The following CSGALNACT1 variants were observed in gnomAD, a reference collection of about 807,000 sequenced individuals.
The protein encoded by CSGALNACT1 is beta4GalNAcT-1.
CSGALNACT1 carries 52 observed loss-of-function variants against 51.0 expected under a neutral mutation model. The ratio of observed to expected loss-of-function variants is 1.02; its 90% CI spans 0.82 to 1.29. The LOEUF (loss-of-function observed/expected upper bound fraction) is 1.29, where lower values mean the gene tolerates loss of function less well. CSGALNACT1 is among the 50% of genes most tolerant of loss of function. The pLI, the probability that CSGALNACT1 is intolerant of heterozygous loss-of-function variation, is 0.00. For missense variants in CSGALNACT1, 935 were observed against 679.2 expected (o/e 1.38, Z -4.19); for synonymous variants, 341 against 254.4 (o/e 1.34, Z -3.24).
At chr8:19,573,762 G>A (rs1476124105) in intron 3 of CSGALNACT1, among the ~76,000 whole-genome samples, 1 of 152,054 alleles carries the variant, frequency 6.6e-6, no homozygotes, top group East Asian at 1.9e-4. Flanking sequence ...TCTCCTTCCA[G>A]TGATAGGCTA....
chr8:19,642,811 G>A (rs575896695), intron 1 of CSGALNACT1, among the ~76,000 whole-genome samples: 34 of 151,190 alleles, frequency 2.2e-4, no homozygotes, highest in Non-Finnish European at 4.3e-4. Context: ...AAATGGCTGT[G>A]GTGGGGACAC....
At chr8:19,669,191 T>C (rs183343024) in intron 1 of CSGALNACT1, among the ~76,000 whole-genome samples, 15 of 152,302 alleles carry the variant, frequency 9.8e-5, no homozygotes, top group African/African-American at 1.7e-4. Flanking sequence ...ATTTCCCCAA[T>C]AGGAATTTGA....
chr8:19,667,258 CA>C (rs928798627), intron 1 of CSGALNACT1, among the ~76,000 whole-genome samples: 7,948 of 101,528 alleles, frequency 0.078, 369 homozygotes, highest in African/African-American at 0.17. Flanking sequence ...CCATCTCTAC[CA>C]AAAAAAAAAA....
At chr8:19,692,850 A>T (rs111510140) in intron 1 of CSGALNACT1, among the ~76,000 whole-genome samples, 1 of 152,194 alleles carries the variant, frequency 6.6e-6, no homozygotes, top group East Asian at 1.9e-4. Flanking sequence ...AGCTTCCAAC[A>T]GGCTGGAGAA....
intron 5 of CSGALNACT1, among the ~76,000 whole-genome samples, chr8:19,442,890 T>A (rs7823195): frequency 0.012 from 1,850 of 152,220 alleles, 30 homozygotes; most frequent in African/African-American, 0.042. Context: ...CTAGAGTGCC[T>A]TGGAAGCACC....
At chr8:19,559,084 A>C (rs1297928929) in intron 3 of CSGALNACT1, among the ~76,000 whole-genome samples, 1 of 152,218 alleles carries the variant, frequency 6.6e-6, no homozygotes, top group African/African-American at 2.4e-5. Flanking sequence ...AGGGAACTTC[A>C]GAATGAAATT....
At chr8:19,513,409 TCTCTCA>T (rs747769698) in intron 3 of CSGALNACT1, among the ~76,000 whole-genome samples, 12 of 60,178 alleles carry the variant, frequency 2.0e-4, no homozygotes, top group Admixed American at 2.3e-4. Context: ...GAATTTTCTC[TCTCTCA>T]CTCTCTCTCT....
In CSGALNACT1 at chr8:19,666,793, AAGAAAGAAAGAAAGAAAGAGAGAG is replaced by A. The variant is rs1178331965; in HGVS notation, c.-544+15656_-544+15679del. Among the ~76,000 whole-genome samples, 150 of 35,752 alleles carry A rather than the reference AAGAAAGAAAGAAAGAAAGAGAGAG, an allele frequency of 4.2e-3. 4 individuals are homozygous for A. The highest frequency in any genetic ancestry group is 5.4e-3 in the African/African-American group (30 of 5,508). The allele number at this position is 35,752 out of a possible 152,430, so 23.5% of individuals were successfully genotyped here. A position where few individuals can be genotyped will look rare whatever the true frequency, so the allele number is the denominator to read the frequency against. ...AAAGAAAGAAAGAAAGAAAGAAAGA[AAGAAAGAAAGAAAGAAAGAGAGAG>A]AGAGAGAGAGAGAGAGAAAGAAAGA... On this transcript the variant is annotated intron_variant, in intron 1 of 9. Coordinates refer to the CSGALNACT1 transcript ENST00000332246.
At chr8:19,536,051 A>C (rs1179761930) in intron 3 of CSGALNACT1, among the ~76,000 whole-genome samples, 1 of 152,194 alleles carries the variant, frequency 6.6e-6, no homozygotes, top group African/African-American at 2.4e-5. Context: ...TGCAGAAGAC[A>C]TGATCTATAT....
intron 1 of CSGALNACT1, among the ~76,000 whole-genome samples, chr8:19,725,716 G>A (rs1165944879): frequency 1.3e-5 from 2 of 152,040 alleles, no homozygotes; most frequent in African/African-American, 4.8e-5. Context: ...GGCCACCAAA[G>A]CCTGTAAAGC....
At chr8:19,499,905 C>T (rs921722838) in intron 4 of CSGALNACT1, among the ~76,000 whole-genome samples, 4 of 152,134 alleles carry the variant, frequency 2.6e-5, no homozygotes, top group East Asian at 1.9e-4. Context: ...CCGGCAGTTG[C>T]TAGAAATCCA....
chr8:19,567,262 G>A (rs926962586), intron 3 of CSGALNACT1, among the ~76,000 whole-genome samples: 23 of 152,202 alleles, frequency 1.5e-4, no homozygotes, highest in African/African-American at 5.5e-4. Flanking sequence ...CAAAGAGGGA[G>A]ACTTAGGTGA....
chr8:19,495,131 C>T (rs1337838657), intron 4 of CSGALNACT1: 1 of 152,160 alleles, frequency 6.6e-6, no homozygotes, highest in Non-Finnish European at 1.5e-5. Flanking sequence ...AAGAATGCGT[C>T]CTAGACCCTA....
intron 1 of CSGALNACT1, among the ~76,000 whole-genome samples, chr8:19,621,875 G>A (rs2053867620): frequency 6.6e-6 from 1 of 152,234 alleles, no homozygotes; most frequent in Admixed American, 6.5e-5. Flanking sequence ...TTTCTGATAT[G>A]AGAATATTTT....
intron 1 of CSGALNACT1, among the ~76,000 whole-genome samples, chr8:19,699,626 G>T (rs186020868): frequency 6.6e-6 from 1 of 152,318 alleles, no homozygotes; most frequent in African/African-American, 2.4e-5. Flanking sequence ...CAGTTGCCAG[G>T]AGATGGTTAA....
intron 5 of CSGALNACT1, among the ~76,000 whole-genome samples, chr8:19,455,414 A>C (rs1267447224): frequency 6.6e-6 from 1 of 152,218 alleles, no homozygotes; most frequent in African/African-American, 2.4e-5. Flanking sequence ...GACAACATCA[A>C]ATATTTATTA....
rs1207311404 is a variant in CSGALNACT1 at position 19,757,257 on chromosome 8, G to A, written c.-297+593C>T. The A allele has an allele frequency of 6.7e-6, 1 of 149,872 alleles. No individual in the cohort carries two copies. The highest frequency in any genetic ancestry group is 1.5e-5 in the Non-Finnish European group (1 of 67,044). The allele number at this position is 149,872 out of a possible 1,614,324, so 9.3% of individuals were successfully genotyped here. On this transcript the variant is annotated intron_variant, in intron 1 of 1. Coordinates refer to the CSGALNACT1 transcript ENST00000517494. The surrounding 1 kb of genome is among the most constrained non-coding windows in gnomAD (Gnocchi z 4.0). ...CGTCGCTGAACTTTCCCTCCTGCGC[G>A]GCCGCCGCGGACTCGGCTCCACCTC... is the stretch of plus-strand genomic sequence containing the variant.
chr8:19,674,872 A>G (rs1404659058), intron 1 of CSGALNACT1, among the ~76,000 whole-genome samples: 2 of 152,296 alleles, frequency 1.3e-5, no homozygotes, highest in African/African-American at 4.8e-5. Flanking sequence ...AGATTTGGGT[A>G]TGAGAGAATG....
intron 9 of CSGALNACT1, among the ~76,000 whole-genome samples, chr8:19,408,184 G>A (rs2054731574): frequency 6.6e-6 from 1 of 152,136 alleles, no homozygotes; most frequent in African/African-American, 2.4e-5. Context: ...GCAATAAGCA[G>A]CCTTTAATCT....
Sources: allele counts gnomAD v4.1 joint callset (sites outside exome capture counted in the v4.1 genomes callset), GRCh38; gene constraint gnomAD v4.1.1; non-coding constraint Gnocchi (gnomAD v3.1); transcripts MANE v1.5; gene names NCBI Gene and HGNC (gene_info 2026-07-23, HGNC 2026-07-21).